The following MEGF11 variants were observed in gnomAD, a reference collection of about 807,000 sequenced individuals.
MEGF11 encodes multiple EGF like domains 11, also known as multiple epidermal growth factor-like domains protein 11.
MEGF11 carries 126 observed loss-of-function variants against 146.6 expected under a neutral mutation model. The observed-to-expected ratio is 0.86, with a 90% CI of 0.74 to 1.00. The LOEUF (loss-of-function observed/expected upper bound fraction) is 1.00. Among genes scored for constraint, MEGF11 ranks in the 50% least tolerant of loss-of-function variants. The pLI is 0.00. For synonymous variants in MEGF11, 532 were observed against 583.4 expected (o/e 0.91, Z 1.27); for missense variants, 1,509 against 1,521.2 (o/e 0.99, Z 0.13).
At chr15:66,000,476 G>T (rs1476758518) in intron 5 of MEGF11, among the ~76,000 whole-genome samples, 1 of 152,012 alleles carries the variant, frequency 6.6e-6, no homozygotes, top group Non-Finnish European at 1.5e-5. Flanking sequence ...AGGCTGCAGT[G>T]AGCTATAACT....
At chr15:65,920,273 A>G (rs1412265136) in intron 15 of MEGF11, among the ~76,000 whole-genome samples, 1 of 152,182 alleles carries the variant, frequency 6.6e-6, no homozygotes, top group Non-Finnish European at 1.5e-5. Context: ...CCTGGCAGAA[A>G]CCTTGGCTCC....
chr15:65,947,544 T>C (rs2080243828), intron 10 of MEGF11, among the ~76,000 whole-genome samples: 1 of 152,114 alleles, frequency 6.6e-6, no homozygotes, highest in Non-Finnish European at 1.5e-5. Context: ...ACAATGTACA[T>C]AGAACAGAGT....
chr15:66,227,303 G>T (rs936581283), intron 1 of MEGF11, among the ~76,000 whole-genome samples: 7 of 152,046 alleles, frequency 4.6e-5, no homozygotes, highest in Non-Finnish European at 1.0e-4. Flanking sequence ...ACAGGATAAC[G>T]CGTGGGAATT....
chr15:66,166,077 C>T (rs1443539701), intron 1 of MEGF11, among the ~76,000 whole-genome samples: 1 of 152,166 alleles, frequency 6.6e-6, no homozygotes, highest in Non-Finnish European at 1.5e-5. Context: ...ATAGTTACAT[C>T]AGCAGGGCCC....
At chr15:65,937,397 T>TA (rs1467249947) in intron 10 of MEGF11, among the ~76,000 whole-genome samples, 1 of 152,234 alleles carries the variant, frequency 6.6e-6, no homozygotes, top group Non-Finnish European at 1.5e-5. Flanking sequence ...GTTGTTCCCC[T>TA]AAAATCACCA....
intron 1 of MEGF11, among the ~76,000 whole-genome samples, chr15:66,138,630 G>C (rs2089002185): frequency 6.6e-6 from 1 of 152,128 alleles, no homozygotes; most frequent in Non-Finnish European, 1.5e-5. Flanking sequence ...AGCACAGGGA[G>C]CCCTGGAATC....
chr15:65,983,550 C>T (rs971249892), intron 5 of MEGF11, among the ~76,000 whole-genome samples: 20 of 152,200 alleles, frequency 1.3e-4, no homozygotes, highest in Non-Finnish European at 2.6e-4. Flanking sequence ...AATGATTGCT[C>T]CCAGCTAAGG....
chr15:66,156,657 GT>G, intron 1 of MEGF11, among the ~76,000 whole-genome samples: 1 of 152,116 alleles, frequency 6.6e-6, no homozygotes, highest in East Asian at 1.9e-4. Context: ...CACCCTGTCC[GT>G]GCCCCCTTCC....
intron 5 of MEGF11, among the ~76,000 whole-genome samples, chr15:65,983,867 G>A (rs557347490): frequency 2.6e-5 from 4 of 152,342 alleles, no homozygotes; most frequent in South Asian, 2.1e-4. Flanking sequence ...AGTGTTGGGC[G>A]TGTACAAGGG....
At chr15:66,190,994 C>G (rs1254850242) in intron 1 of MEGF11, among the ~76,000 whole-genome samples, 8 of 150,700 alleles carry the variant, frequency 5.3e-5, no homozygotes, top group African/African-American at 2.0e-4. Context: ...GAGACTATTA[C>G]AACACCGCAG....
intron 24 of MEGF11, chr15:65,905,132 AT>A (rs2078588229): frequency 6.6e-6 from 1 of 152,250 alleles, no homozygotes. Context: ...ACCTTAAGTG[AT>A]CCACCTGCCT....
chr15:66,132,390 T>A lies in MEGF11; in HGVS notation c.-8-3979A>T, dbSNP rs1277314270. Among the ~76,000 whole-genome samples the A allele has an allele frequency of 1.3e-5, 2 of 152,240 alleles. 1 individual carries two copies. The highest frequency in any genetic ancestry group is 4.8e-5 in the African/African-American group (2 of 41,466). The stretch of plus-strand genomic sequence containing the variant: ...AAAATCCTACCCCACCTGCTTCACT[T>A]CCACCACTGGCTTCATCCTCCTGAC... On this transcript the variant is annotated intron_variant, in intron 1 of 25. Coordinates refer to ENST00000395614, the MANE Select transcript of MEGF11 (RefSeq NM_001385028.1).
chr15:66,227,139 G>C (rs2091871220), intron 1 of MEGF11, among the ~76,000 whole-genome samples: 1 of 152,122 alleles, frequency 6.6e-6, no homozygotes, highest in African/African-American at 2.4e-5. Flanking sequence ...GACAGCATGG[G>C]AACATCTTTT....
chr15:66,219,893 C>T (rs535680413), intron 1 of MEGF11, among the ~76,000 whole-genome samples: 1 of 152,316 alleles, frequency 6.6e-6, no homozygotes, highest in African/African-American at 2.4e-5. Flanking sequence ...AGCTGTGGTA[C>T]ATCCATACCG....
chr15:66,128,565 G>A (rs939572951), intron 1 of MEGF11, 154 bp from the exon 2 acceptor site: 1 of 434,290 alleles, frequency 2.3e-6, no homozygotes, highest in Non-Finnish European at 4.0e-6. Context: ...AGTAACAGGA[G>A]AGTGGGAAGC....
intron 24 of MEGF11, among the ~76,000 whole-genome samples, chr15:65,899,788 T>C (rs2078448434): frequency 6.6e-6 from 1 of 152,312 alleles, no homozygotes; most frequent in Middle Eastern, 3.4e-3. Flanking sequence ...CTGAAACCTA[T>C]TTCAGCAGTA....
chr15:66,128,733 CG>C (rs376417825), intron 1 of MEGF11, among the ~76,000 whole-genome samples: 40 of 152,152 alleles, frequency 2.6e-4, no homozygotes, highest in African/African-American at 9.4e-4. Context: ...CTCAGGCCCC[CG>C]GGCCCATCCT....
At chr15:66,078,100 G>A (rs1374955660) in intron 5 of MEGF11, among the ~76,000 whole-genome samples, 2 of 152,172 alleles carry the variant, frequency 1.3e-5, no homozygotes, top group Non-Finnish European at 2.9e-5. Context: ...TCCAGGGACA[G>A]ACTGCCTGAG....
Position 65,980,750 on chromosome 15 carries a change from C to G in MEGF11, c.762+28G>C, listed in dbSNP as rs764313235. 1.9e-6 allele frequency: 3 copies of G among 1,571,580 alleles called. No individual in the cohort carries two copies. In the African/African-American group the frequency reaches 4.1e-5, roughly 21 times the overall value. On this transcript the variant is annotated intron_variant, in intron 7 of 25. Transcript: ENST00000395614. Reference sequence around the variant, plus strand: ...TGATGAAGGCTCAGCCCTCCAGTGCCCCACCCAGATCCTTTGGGCCCACTT... The same window carrying G: ...TGATGAAGGCTCAGCCCTCCAGTGCGCCACCCAGATCCTTTGGGCCCACTT...
Sources: gnomAD v4.1 joint callset for allele counts (sites outside exome capture counted in the v4.1 genomes callset) on GRCh38, gnomAD v4.1.1 for gene constraint, MANE v1.5 for transcripts, NCBI Gene and HGNC (gene_info 2026-07-23, HGNC 2026-07-21) for gene names.